PLIN2: variants seen among roughly 807,000 people sequenced by gnomAD.
PLIN2 encodes the protein perilipin-2.
PLIN2 carries 33 observed loss-of-function variants against 30.6 expected under a neutral mutation model. The observed-to-expected ratio is 1.08, with a 90% CI of 0.82 to 1.44. The LOEUF (loss-of-function observed/expected upper bound fraction) is 1.44, where lower values mean the gene tolerates loss of function less well. Among genes scored for constraint, PLIN2 ranks in the 40% most tolerant of loss-of-function variants. PLIN2 has a pLI of 0.00. For missense variants in PLIN2, 610 were observed against 531.8 expected (o/e 1.15, Z -1.45); for synonymous variants, 205 against 201.1 (o/e 1.02, Z -0.16).
chr9:19,121,079 G>T lies in PLIN2; in HGVS notation c.396C>A (p.Ser132Arg). ...TCTTGTCCATCACCCCTGTGATCGT[G>T]CTGGCCACAGAATCCTTGGCCCCAG... ...TVTGAKDSVA[S>R]TITGVMDKTK... The change falls in exon 5 of 8, where the codon AGC (serine) becomes AGA (arginine). Residue 132 changes from serine to arginine, a missense_variant. Ser to Arg is a moderately radical substitution (Grantham distance 110). Transcript: ENST00000276914. The T allele has an allele frequency of 6.2e-7, 1 of 1,614,144 alleles. No individual in the cohort carries two copies. Among genetic ancestry groups the T allele is most frequent in the South Asian group, 1.1e-5 (1 of 91,092 alleles).
At chr9:19,111,220 T>C (rs1279943727), downstream of PLIN2, among the ~76,000 whole-genome samples, 2 of 152,154 alleles carry the variant, frequency 1.3e-5, no homozygotes, top group Non-Finnish European at 2.9e-5. Flanking sequence ...AGCTAATTTT[T>C]GTATCTTTAG....
chr9:19,123,160 T>A, intron 4 of PLIN2: 2 of 575,402 alleles, frequency 3.5e-6, no homozygotes, highest in Non-Finnish European at 6.1e-6. Flanking sequence ...AGCCTATCAT[T>A]TTTGTCAACA....
In PLIN2 at chr9:19,118,507, A is replaced by G. The variant is rs767928127; in HGVS notation, c.778-52T>C. ...AACACACAAGTCAGATATTCACGTTAGCCTGTTTGCAGATGTATGATGTAA... is the reference window on the plus strand; with the variant it reads ...AACACACAAGTCAGATATTCACGTTGGCCTGTTTGCAGATGTATGATGTAA... On this transcript the variant is annotated intron_variant, in intron 6 of 7. Coordinates refer to ENST00000276914, the MANE Select transcript of PLIN2 (RefSeq NM_001122.4). 2.6e-6 allele frequency: 4 copies of G among 1,556,442 alleles called. No individual in the cohort carries two copies. The South Asian group carries it at 4.7e-5, about 18-fold the overall frequency.
At chr9:19,120,846 A>G (rs747889245) in intron 5 of PLIN2, 34 bp downstream of exon 5, 20 of 1,533,050 alleles carry the variant, frequency 1.3e-5, no homozygotes, top group Non-Finnish European at 1.3e-5. Context: ...AAGATTTAAT[A>G]TAAAACAGTA....
downstream of PLIN2, among the ~76,000 whole-genome samples, chr9:19,115,432 C>A (rs1330234295): frequency 6.6e-6 from 1 of 151,998 alleles, no homozygotes; most frequent in East Asian, 1.9e-4. Context: ...CTCAGCCTCC[C>A]GAGTAGCTGG....
Position 19,120,976 on chromosome 9 carries a change from G to A in PLIN2, c.499C>T (p.Arg167Trp), listed in dbSNP as rs148029909. The A allele has an allele frequency of 3.9e-5, 63 of 1,614,086 alleles. No homozygotes were observed. The African/African-American group carries it at 6.1e-4, about 16-fold the overall frequency. The change falls in exon 5 of 8, where the codon CGG becomes TGG. Residue 167 changes from arginine (R) to tryptophan (W), a missense_variant. Physicochemically the swap from Arg to Trp is moderately radical, Grantham distance 101. Transcript: ENST00000276914. ...SGSINTVLGS[R>W]MMQLVSSGVE... Reference sequence around the variant, plus strand: ...CCACTGCTCACGAGCTGCATCATCCGACTCCCCAAGACTGTGTTAATGCTG... The same window carrying A: ...CCACTGCTCACGAGCTGCATCATCCAACTCCCCAAGACTGTGTTAATGCTG...
At chr9:19,119,482 A>C (rs1045425868) in intron 6 of PLIN2, among the ~76,000 whole-genome samples, 168 bp downstream of exon 6, 5 of 152,118 alleles carry the variant, frequency 3.3e-5, no homozygotes, top group Admixed American at 2.0e-4. Flanking sequence ...TATTTCAACT[A>C]GTTATACTTC....
chr9:19,118,775 C>T (rs970701990), intron 6 of PLIN2, among the ~76,000 whole-genome samples: 5 of 152,170 alleles, frequency 3.3e-5, no homozygotes, highest in South Asian at 4.1e-4. Flanking sequence ...TACAGTGGCG[C>T]GATCACAGCT....
intron 4 of PLIN2, among the ~76,000 whole-genome samples, chr9:19,122,726 C>T (rs1818337890): frequency 6.6e-6 from 1 of 152,140 alleles, no homozygotes; most frequent in Non-Finnish European, 1.5e-5. Flanking sequence ...GCATTAGATT[C>T]TCATAGGAGA....
At chr9:19,118,257 T>C (rs1388878268) in intron 7 of PLIN2, 64 bp downstream of exon 7, 2 of 1,465,180 alleles carry the variant, frequency 1.4e-6, no homozygotes, top group African/African-American at 1.4e-5. Context: ...ATGGAAAAAT[T>C]GAAATGAAAA....
downstream of PLIN2, among the ~76,000 whole-genome samples, chr9:19,115,381 C>T (rs1198615898): frequency 2.7e-5 from 4 of 150,838 alleles, no homozygotes; most frequent in African/African-American, 7.3e-5. Context: ...TATCTCGGCT[C>T]ACTGCAAGCT....
At chr9:19,121,460 A>C (rs955561839) in intron 4 of PLIN2, among the ~76,000 whole-genome samples, 1 of 149,268 alleles carries the variant, frequency 6.7e-6, no homozygotes, top group African/African-American at 2.5e-5. Context: ...CACTGCACTC[A>C]GCCTGGGTGA....
In PLIN2 at chr9:19,116,476, G is replaced by C; in HGVS notation, c.1086C>G (p.Ser362=). 1 of 1,614,142 alleles carries C rather than the reference G, an allele frequency of 6.2e-7. No homozygotes were observed. The highest frequency in any genetic ancestry group is 8.5e-7 in the Non-Finnish European group (1 of 1,180,030). The change falls in exon 8 of 8, where the codon TCC becomes TCG. Residue 362 remains serine (S), a synonymous_variant. Coordinates refer to ENST00000276914, the MANE Select transcript of PLIN2 (RefSeq NM_001122.4). ...DIYSVFRNAA[S]FKEVSDSLLT... Reference sequence around the variant, plus strand: ...GGAGGCTGTCAGACACTTCTTTAAAGGAGGCAGCATTGCGGAACACTGAGT... The same window carrying C: ...GGAGGCTGTCAGACACTTCTTTAAACGAGGCAGCATTGCGGAACACTGAGT...
chr9:19,110,588 G>T (rs1275465427), intron 2 of PLIN2, among the ~76,000 whole-genome samples: 1 of 151,958 alleles, frequency 6.6e-6, no homozygotes, highest in Non-Finnish European at 1.5e-5. Context: ...TGATTCTCCT[G>T]CCTCAGCCAC....
chr9:19,111,665 G>C (rs568416979), downstream of PLIN2, among the ~76,000 whole-genome samples: 1 of 152,148 alleles, frequency 6.6e-6, no homozygotes, highest in Admixed American at 6.6e-5. Flanking sequence ...TTGGGGTGGA[G>C]GGAGTGGGGT....
chr9:19,123,805 G>T (rs1818356528), intron 3 of PLIN2, among the ~76,000 whole-genome samples, 158 bp from the exon 4 acceptor site: 1 of 152,124 alleles, frequency 6.6e-6, no homozygotes, highest in Admixed American at 6.6e-5. Flanking sequence ...CGGATCACGA[G>T]GTCAAGAGAT....
At position 19,121,067 on chromosome 9, in the gene PLIN2, C is replaced by A. The variant is rs138931372; in HGVS notation, c.408G>T (p.Gly136=). The change falls in exon 5 of 8, where the codon GGG becomes GGT. Residue 136 remains glycine (G), a synonymous_variant. Coordinates refer to ENST00000276914, the MANE Select transcript of PLIN2 (RefSeq NM_001122.4). ...AKDSVASTIT[G]VMDKTKGAVT... ...CTGCCCCTTTGGTCTTGTCCATCAC[C>A]CCTGTGATCGTGCTGGCCACAGAAT... The A allele has an allele frequency of 6.2e-7, 1 of 1,614,194 alleles. No homozygotes were observed. The highest frequency in any genetic ancestry group is 1.1e-5 in the South Asian group (1 of 91,088).
At chr9:19,112,779 T>C (rs1818174707), downstream of PLIN2, among the ~76,000 whole-genome samples, 1 of 150,302 alleles carries the variant, frequency 6.7e-6, no homozygotes, top group Non-Finnish European at 1.5e-5. Context: ...GAAATGCATG[T>C]AGACACAAAC....
At position 19,126,144 on chromosome 9, in the gene PLIN2, G is replaced by A; in HGVS notation, c.196C>T (p.Leu66=). The A allele has an allele frequency of 6.2e-7, 1 of 1,614,136 alleles. No homozygotes were observed. Among genetic ancestry groups the A allele is most frequent in the Non-Finnish European group, 8.5e-7 (1 of 1,180,016 alleles). ...TITSVAMTSA[L]PIIQKLEPQI... is the part of the protein sequence containing the mutation. ...GGCTCTAGCTTCTGGATGATGGGCA[G>A]AGCACTGGTCATGGCCACGGAGGTG... is the stretch of plus-strand genomic sequence containing the variant. Residue 66 remains leucine (L), a synonymous_variant, in exon 3 of 8, where the codon CTG becomes TTG. Coordinates refer to ENST00000276914, the MANE Select transcript of PLIN2 (RefSeq NM_001122.4).
Sources: allele counts gnomAD v4.1 joint callset (sites outside exome capture counted in the v4.1 genomes callset), GRCh38; gene constraint gnomAD v4.1.1; transcripts MANE v1.5; gene names NCBI Gene and HGNC (gene_info 2026-07-23, HGNC 2026-07-21).